Variants in FGGY observed in about 807,000 individuals in gnomAD.
FGGY encodes the protein FGGY carbohydrate kinase domain-containing protein.
In FGGY, 72 loss-of-function variants were observed where a neutral mutation model predicts 71.3. The ratio of observed to expected loss-of-function variants is 1.01; its 90% CI spans 0.84 to 1.23. The LOEUF (loss-of-function observed/expected upper bound fraction) is 1.23. Ranked by LOEUF, FGGY falls within the 50% of genes most tolerant of loss-of-function variation. The probability of loss-of-function intolerance (pLI) is 0.00; values close to 1 mark genes in which losing one functional copy is unlikely to be tolerated. For synonymous variants in FGGY, 251 were observed against 250.3 expected (o/e 1.00, Z -0.02); for missense variants, 668 against 682.3 (o/e 0.98, Z 0.23).
chr1:59,328,868 C>A (rs1332027635), intron 2 of FGGY, among the ~76,000 whole-genome samples: 3 of 151,976 alleles, frequency 2.0e-5, no homozygotes, highest in African/African-American at 7.2e-5. Flanking sequence ...AGAACACACA[C>A]CACATTTATC....
intron 7 of FGGY, among the ~76,000 whole-genome samples, chr1:59,543,370 A>G (rs1267373063): frequency 6.6e-6 from 1 of 151,592 alleles, no homozygotes; most frequent in Non-Finnish European, 1.5e-5. Flanking sequence ...GAGGGATAGA[A>G]TCAACATCCA....
At chr1:59,717,049 C>T (rs1222218716) in intron 14 of FGGY, among the ~76,000 whole-genome samples, 1 of 152,142 alleles carries the variant, frequency 6.6e-6, no homozygotes, top group South Asian at 2.1e-4. Context: ...ACACATTTCA[C>T]ATATGCTCGC....
intron 14 of FGGY, among the ~76,000 whole-genome samples, chr1:59,747,803 G>A (rs1226455002): frequency 2.0e-5 from 3 of 152,202 alleles, no homozygotes; most frequent in Admixed American, 1.3e-4. Flanking sequence ...AGTGAAGAAA[G>A]CAGGCTTTTA....
intron 11 of FGGY, among the ~76,000 whole-genome samples, chr1:59,644,841 G>A (rs1173729601): frequency 1.3e-5 from 2 of 152,074 alleles, no homozygotes; most frequent in Non-Finnish European, 2.9e-5. Flanking sequence ...GCTGTGCGTG[G>A]TGGCACACAC....
intron 5 of FGGY, among the ~76,000 whole-genome samples, chr1:59,445,041 G>T (rs1250122325): frequency 6.6e-6 from 1 of 152,056 alleles, no homozygotes; most frequent in Admixed American, 6.5e-5. Flanking sequence ...AGCTCTTCAT[G>T]GATTTTTCTC....
chr1:59,579,079 T>A (rs1409891177), intron 8 of FGGY, among the ~76,000 whole-genome samples: 1 of 152,140 alleles, frequency 6.6e-6, no homozygotes, highest in Non-Finnish European at 1.5e-5. Context: ...CTTGACCATT[T>A]GTTTCGGGCT....
chr1:59,714,414 C>T (rs1222375558), intron 14 of FGGY, among the ~76,000 whole-genome samples: 1 of 152,184 alleles, frequency 6.6e-6, no homozygotes, highest in African/African-American at 2.4e-5. Context: ...ATTGCTTTGT[C>T]TCTGGGAGCA....
chr1:59,646,826 G>A (rs1468172477), intron 11 of FGGY, among the ~76,000 whole-genome samples: 2 of 152,034 alleles, frequency 1.3e-5, no homozygotes, highest in African/African-American at 4.8e-5. Flanking sequence ...ATTCAAACCT[G>A]GGTCAATGAC....
rs1485544417 is a variant in FGGY at position 59,573,603 on chromosome 1, A to T, written c.903+19376A>T. Among the ~76,000 whole-genome samples the T allele has an allele frequency of 2.6e-5, 4 of 152,332 alleles. No individual in the cohort carries two copies. In the East Asian group the frequency reaches 7.7e-4, roughly 29 times the overall value. ...GTTCTATTTTTACAACTATTTCATAAGTGTTAAATCATTTGTAATAAAACA... is the reference window on the plus strand; with the variant it reads ...GTTCTATTTTTACAACTATTTCATATGTGTTAAATCATTTGTAATAAAACA... On this transcript the variant is annotated intron_variant, in intron 8 of 15. Coordinates refer to ENST00000303721, the MANE Select transcript of FGGY (RefSeq NM_018291.5).
intron 1 of FGGY, among the ~76,000 whole-genome samples, chr1:59,319,755 G>A (rs976202395): frequency 2.6e-5 from 4 of 152,252 alleles, no homozygotes; most frequent in Admixed American, 2.6e-4. Flanking sequence ...GGGCTGGATG[G>A]CAGGCAGAGG....
intron 6 of FGGY, among the ~76,000 whole-genome samples, chr1:59,496,896 A>G (rs2094052479): frequency 6.6e-6 from 1 of 152,226 alleles, no homozygotes; most frequent in Non-Finnish European, 1.5e-5. Context: ...ATTTATTTGC[A>G]CAAATAGCTT....
chr1:59,447,142 C>T (rs747168301), intron 5 of FGGY, among the ~76,000 whole-genome samples: 22 of 152,228 alleles, frequency 1.4e-4, no homozygotes, highest in Admixed American at 3.9e-4. Flanking sequence ...GAAATACCTT[C>T]AGTAACTATT....
At chr1:59,306,857 C>T (rs902143600) in intron 1 of FGGY, among the ~76,000 whole-genome samples, 2 of 152,150 alleles carry the variant, frequency 1.3e-5, no homozygotes, top group Admixed American at 1.3e-4. Context: ...GTCCCTTAAC[C>T]ATCTAGATTT....
chr1:59,363,833 T>C (rs2056076503), intron 4 of FGGY, among the ~76,000 whole-genome samples: 1 of 152,196 alleles, frequency 6.6e-6, no homozygotes, highest in African/African-American at 2.4e-5. Context: ...GTTGGACCGT[T>C]AGGGATCCAT....
intron 1 of FGGY, among the ~76,000 whole-genome samples, chr1:59,305,812 T>G (rs1214490347): frequency 6.6e-6 from 1 of 152,214 alleles, no homozygotes; most frequent in Admixed American, 6.5e-5. Flanking sequence ...CACATATAGA[T>G]GCATTAGTAC....
intron 8 of FGGY, among the ~76,000 whole-genome samples, chr1:59,599,195 C>T (rs1360395960): frequency 6.6e-6 from 1 of 152,088 alleles, no homozygotes; most frequent in African/African-American, 2.4e-5. Context: ...CCTCCACCTC[C>T]TGGGTTCAAG....
intron 8 of FGGY, among the ~76,000 whole-genome samples, chr1:59,588,032 G>T (rs576504126): frequency 2.0e-5 from 3 of 152,284 alleles, no homozygotes; most frequent in Admixed American, 2.0e-4. Flanking sequence ...AGGCAAAGAA[G>T]TTGAAAACTT....
At chr1:59,417,557 C>A (rs1424068138) in intron 5 of FGGY, among the ~76,000 whole-genome samples, 1 of 152,160 alleles carries the variant, frequency 6.6e-6, no homozygotes, top group African/African-American at 2.4e-5. Context: ...TTTTGTACAT[C>A]CTGGTAGGAA....
At chr1:59,453,829 A>G (rs1186127357) in intron 5 of FGGY, among the ~76,000 whole-genome samples, 1 of 152,152 alleles carries the variant, frequency 6.6e-6, no homozygotes, top group Non-Finnish European at 1.5e-5. Context: ...GAGGTAAGGA[A>G]TCAGAATCAG....
Sources: gnomAD v4.1 joint callset for allele counts (sites outside exome capture counted in the v4.1 genomes callset) on GRCh38, gnomAD v4.1.1 for gene constraint, MANE v1.5 for transcripts, NCBI Gene and HGNC (gene_info 2026-07-23, HGNC 2026-07-21) for gene names.